The following NMRK1 variants were observed in gnomAD, a reference collection of about 807,000 sequenced individuals.
The protein encoded by NMRK1 is NRK 1.
A neutral mutation model predicts 29.9 loss-of-function variants in NMRK1; 28 were observed. That is an observed-to-expected ratio of 0.94 (90% CI 0.69 to 1.28). NMRK1 has a LOEUF of 1.28. NMRK1 is among the 50% of genes most tolerant of loss of function. The pLI, the probability that NMRK1 is intolerant of heterozygous loss-of-function variation, is 0.00. For missense variants in NMRK1, 218 were observed against 233.1 expected, an observed-to-expected ratio of 0.94 and a Z score of 0.42; for synonymous variants, 58 against 73.0, an observed-to-expected ratio of 0.79 and a Z score of 1.05.
chr9:75,073,729 A>C (rs920524034), intron 4 of NMRK1, among the ~76,000 whole-genome samples: 21 of 151,766 alleles, frequency 1.4e-4, no homozygotes, highest in African/African-American at 4.8e-4. Context: ...ACAGAGTGAG[A>C]CTCCATCTCA....
chr9:75,061,296 T>C lies in NMRK1; in HGVS notation c.*252A>G. ...AGCTATGTTCAGAAAGTGGAGACTT[T>C]CTGACTCACTGTGAGCTCTGCTGTA... On this transcript the variant is annotated 3_prime_UTR_variant, in exon 9 of 9. Transcript: ENST00000361092. 1 of 422,782 alleles carries C rather than the reference T, an allele frequency of 2.4e-6. No homozygotes were observed. Among genetic ancestry groups the C allele is most frequent in the Non-Finnish European group, 4.2e-6 (1 of 238,282 alleles). 26.2% of individuals were successfully genotyped at this position (422,782 alleles called of 1,614,324 possible). A position where few individuals can be genotyped will look rare whatever the true frequency, so the allele number is the denominator to read the frequency against.
chr9:75,074,395 T>A (rs1406428376), intron 4 of NMRK1, among the ~76,000 whole-genome samples: 1 of 151,972 alleles, frequency 6.6e-6, no homozygotes, highest in Non-Finnish European at 1.5e-5. Flanking sequence ...TTGATTTATT[T>A]ATTTATTTTT....
intron 6 of NMRK1, chr9:75,069,354 T>C: frequency 2.0e-6 from 1 of 495,234 alleles, no homozygotes; most frequent in Non-Finnish European, 3.6e-6. Flanking sequence ...TAGTGCTTTA[T>C]AAGAGAACTA....
intron 1 of NMRK1, chr9:75,087,715 T>C (rs11144224): frequency 0.42 from 64,500 of 151,806 alleles, 14,681 homozygotes; most frequent in East Asian, 0.58. Flanking sequence ...ACCATATCGA[T>C]CCGCGAGGAT....
intron 2 of NMRK1, among the ~76,000 whole-genome samples, chr9:75,079,275 G>A (rs1393301949): frequency 6.6e-6 from 1 of 152,172 alleles, no homozygotes; most frequent in African/African-American, 2.4e-5. Context: ...AAAAGTGAGT[G>A]GGTGCTACCC....
chr9:75,077,446 A>G (rs1587390650), intron 3 of NMRK1, 44 bp downstream of exon 3: 1 of 1,325,718 alleles, frequency 7.5e-7, no homozygotes, highest in East Asian at 2.4e-5. Context: ...TGGTGGTTAA[A>G]CATTTTTGTA....
chr9:75,068,139 C>G (rs1253442439), intron 7 of NMRK1, among the ~76,000 whole-genome samples: 1 of 152,122 alleles, frequency 6.6e-6, no homozygotes, highest in East Asian at 1.9e-4. Context: ...TGTCATCTTC[C>G]CGCCCCCTCC....
intron 5 of NMRK1, 34 bp downstream of exon 5, chr9:75,069,861 C>T: frequency 6.2e-7 from 1 of 1,611,564 alleles, no homozygotes; most frequent in Non-Finnish European, 8.5e-7. Flanking sequence ...TCCCCCCATT[C>T]ACTCAGAGAC....
intron 4 of NMRK1, among the ~76,000 whole-genome samples, chr9:75,071,002 T>G (rs1823666230): frequency 6.6e-6 from 1 of 152,130 alleles, no homozygotes; most frequent in South Asian, 2.1e-4. Flanking sequence ...TAATCAGACT[T>G]ATTTAATCTG....
chr9:75,083,600 A>C (rs1482646472), intron 1 of NMRK1, among the ~76,000 whole-genome samples: 1 of 152,230 alleles, frequency 6.6e-6, no homozygotes, highest in Admixed American at 6.5e-5. Flanking sequence ...GACCAGAGGC[A>C]AAAAGAAGCT....
chr9:75,069,028 C>G lies in NMRK1; in HGVS notation c.464G>C (p.Arg155Thr), dbSNP rs1337482338. 6.2e-7 allele frequency: 1 copy of G among 1,614,124 alleles called. No homozygotes were observed. The highest frequency in any genetic ancestry group is 8.5e-7 in the Non-Finnish European group (1 of 1,179,952). Residue 155 changes from arginine (R) to threonine (T), a missense_variant, in exon 7 of 9, where the codon AGA becomes ACA. By Grantham distance (71) the Arg-to-Thr change is moderately conservative (BLOSUM62 -1). Transcript: ENST00000361092. ...CCATGTGATGTCCTGCATTTCTTGT[C>G]TGTACTTTAGATACATGGGCCACAC... ...GHVWPMYLKYRQEMQDITWEV... is the reference protein window; with the variant it reads ...GHVWPMYLKYTQEMQDITWEV...
At chr9:75,086,415 C>A (rs1824635278) in intron 1 of NMRK1, among the ~76,000 whole-genome samples, 1 of 152,216 alleles carries the variant, frequency 6.6e-6, no homozygotes, top group Non-Finnish European at 1.5e-5. Flanking sequence ...CCAGTGCGTG[C>A]AAGGCTTTCC....
At chr9:75,063,846 A>C (rs1299951630) in intron 8 of NMRK1, among the ~76,000 whole-genome samples, 2 of 152,222 alleles carry the variant, frequency 1.3e-5, no homozygotes, top group African/African-American at 2.4e-5. Context: ...AAGAAATAGG[A>C]AAGGTGATAG....
chr9:75,074,643 C>T (rs536010297), intron 4 of NMRK1, among the ~76,000 whole-genome samples: 5 of 152,278 alleles, frequency 3.3e-5, no homozygotes, highest in South Asian at 2.1e-4. Context: ...CCACCTTGGC[C>T]TCCCAAAGAG....
intron 8 of NMRK1, among the ~76,000 whole-genome samples, chr9:75,065,920 C>A (rs978351627): frequency 6.6e-6 from 1 of 152,188 alleles, no homozygotes; most frequent in Admixed American, 6.5e-5. Context: ...AAAAAGATAT[C>A]TTTTTACCCT....
Position 75,061,294 on chromosome 9 carries a change from T to C in NMRK1, c.*254A>G, listed in dbSNP as rs1021888323. ...AGAGCTATGTTCAGAAAGTGGAGAC[T>C]TTCTGACTCACTGTGAGCTCTGCTG... is the stretch of plus-strand genomic sequence containing the variant. On this transcript the variant is annotated 3_prime_UTR_variant, in exon 9 of 9. Coordinates refer to ENST00000361092, the MANE Select transcript of NMRK1 (RefSeq NM_017881.3). The C allele has an allele frequency of 7.1e-6, 3 of 423,886 alleles. No homozygotes were observed. Among genetic ancestry groups the C allele is most frequent in the East Asian group, 3.5e-5 (1 of 28,196 alleles). The allele number at this position is 423,886 out of a possible 1,614,324, so 26.3% of individuals were successfully genotyped here. A position where few individuals can be genotyped will look rare whatever the true frequency, so the allele number is the denominator to read the frequency against.
At chr9:75,087,471 C>G (rs1358651117) in intron 1 of NMRK1, 1 of 151,980 alleles carries the variant, frequency 6.6e-6, no homozygotes, top group Non-Finnish European at 1.5e-5. Context: ...CTGGGTAATG[C>G]GAAAGCGGCC....
intron 8 of NMRK1, among the ~76,000 whole-genome samples, chr9:75,064,197 C>T (rs1179851432): frequency 6.6e-6 from 1 of 152,138 alleles, no homozygotes; most frequent in Non-Finnish European, 1.5e-5. Context: ...AGCTACATGA[C>T]AAAGGCTACT....
intron 8 of NMRK1, among the ~76,000 whole-genome samples, chr9:75,065,636 C>G (rs1053532918): frequency 1.3e-5 from 2 of 152,020 alleles, no homozygotes; most frequent in African/African-American, 4.8e-5. Flanking sequence ...TTTTTAAAAT[C>G]AGAAGGTGTT....
Sources: gnomAD v4.1 joint callset for allele counts (sites outside exome capture counted in the v4.1 genomes callset) on GRCh38, gnomAD v4.1.1 for gene constraint, MANE v1.5 for transcripts, NCBI Gene and HGNC (gene_info 2026-07-23, HGNC 2026-07-21) for gene names.